The following ANKFN1 variants were observed in gnomAD, a reference collection of about 807,000 sequenced individuals.
The protein encoded by ANKFN1 is ankyrin repeat and fibronectin type III domain containing 1.
Under a neutral mutation model 108.7 loss-of-function variants are expected in ANKFN1, and 74 were observed. That is an observed-to-expected ratio of 0.68 (90% confidence interval 0.56 to 0.83). ANKFN1 has a LOEUF of 0.83. Among genes scored for constraint, ANKFN1 ranks in the 40% least tolerant of loss-of-function variants. ANKFN1 has a pLI of 0.00. For missense variants in ANKFN1, 1,505 were observed against 1,382.3 expected (o/e 1.09, Z -1.41); for synonymous variants, 547 against 516.2 (o/e 1.06, Z -0.81).
chr17:56,335,915 T>C (rs887664888), intron 4 of ANKFN1, among the ~76,000 whole-genome samples: 2 of 152,238 alleles, frequency 1.3e-5, no homozygotes, highest in African/African-American at 2.4e-5. Flanking sequence ...ATTGAGAGTT[T>C]TTAGCATGAA....
chr17:56,104,049 G>A (rs1041700233), intron 4 of ANKFN1, among the ~76,000 whole-genome samples: 1 of 152,196 alleles, frequency 6.6e-6, no homozygotes, highest in Non-Finnish European at 1.5e-5. Context: ...AGCAGAGCAA[G>A]CCATTGATAT....
chr17:56,338,210 C>T (rs1024858864), intron 4 of ANKFN1, among the ~76,000 whole-genome samples: 1 of 152,040 alleles, frequency 6.6e-6, no homozygotes, highest in African/African-American at 2.4e-5. Flanking sequence ...GGACAGAAAA[C>T]CAAACAGCGC....
intron 18 of ANKFN1, among the ~76,000 whole-genome samples, chr17:56,486,824 A>G (rs1398729170): frequency 1.3e-5 from 2 of 152,240 alleles, no homozygotes; most frequent in Non-Finnish European, 2.9e-5. Flanking sequence ...GTAAATTATA[A>G]TAGAATAAAG....
At chr17:56,352,724 A>G (rs2046277160) in intron 5 of ANKFN1, among the ~76,000 whole-genome samples, 1 of 151,948 alleles carries the variant, frequency 6.6e-6, no homozygotes, top group Non-Finnish European at 1.5e-5. Context: ...AGCCATTGAA[A>G]CCCTCCCTGA....
At chr17:56,078,281 T>C (rs1045587085) in intron 4 of ANKFN1, among the ~76,000 whole-genome samples, 1 of 152,204 alleles carries the variant, frequency 6.6e-6, no homozygotes, top group Non-Finnish European at 1.5e-5. Context: ...CCTTCTTCCC[T>C]TTCTTGAAGC....
rs1349200965 is a variant in ANKFN1, at chr17:56,482,405, A to G, written c.2141A>G (p.Asn714Ser). The G allele has an allele frequency of 1.9e-6, 3 of 1,613,134 alleles. No homozygotes were observed. The highest frequency in any genetic ancestry group is 2.7e-5 in the African/African-American group (2 of 74,882). ...YTQEVLEMGH[N>S]VSFLLLLPAS... Reference sequence around the variant, plus strand: ...CAGGAGGTGTTGGAAATGGGTCACAATGTGTCCTTTCTTCTCCTGCTCCCT... The same window carrying G: ...CAGGAGGTGTTGGAAATGGGTCACAGTGTGTCCTTTCTTCTCCTGCTCCCT... The change falls in exon 18 of 21, where the codon AAT (asparagine) becomes AGT (serine). Residue 714 changes from asparagine (N) to serine (S), a missense_variant. By Grantham distance (46) the Asn-to-Ser change is conservative. Transcript: ENST00000682825.
intron 1 of ANKFN1, among the ~76,000 whole-genome samples, chr17:56,187,619 A>G (rs1423873379): frequency 1.3e-5 from 2 of 152,330 alleles, no homozygotes; most frequent in East Asian, 1.9e-4. Context: ...TCATGCTGCT[A>G]TAAAGACACA....
intron 1 of ANKFN1, among the ~76,000 whole-genome samples, chr17:56,210,949 A>G (rs1258140154): frequency 6.6e-6 from 1 of 152,090 alleles, no homozygotes; most frequent in Non-Finnish European, 1.5e-5. Flanking sequence ...TCAAGATGAG[A>G]TTTGGGTGGG....
intron 1 of ANKFN1, among the ~76,000 whole-genome samples, chr17:56,164,222 G>A (rs1284871567): frequency 6.6e-6 from 1 of 152,060 alleles, no homozygotes; most frequent in Non-Finnish European, 1.5e-5. Context: ...GACCTCCGTT[G>A]CATTCCACCC....
chr17:56,350,326 T>C (rs2046212779), intron 4 of ANKFN1, among the ~76,000 whole-genome samples: 1 of 152,164 alleles, frequency 6.6e-6, no homozygotes, highest in Non-Finnish European at 1.5e-5. Context: ...AGCCTCACTT[T>C]CTTATATACC....
At chr17:56,133,241 G>A (rs1907388999) in intron 4 of ANKFN1, among the ~76,000 whole-genome samples, 1 of 152,100 alleles carries the variant, frequency 6.6e-6, no homozygotes, top group Non-Finnish European at 1.5e-5. Context: ...ACAAGAAATA[G>A]CCTTTCCTCA....
intron 4 of ANKFN1, among the ~76,000 whole-genome samples, chr17:56,333,231 C>T (rs2045714691): frequency 6.6e-6 from 1 of 151,906 alleles, no homozygotes; most frequent in South Asian, 2.1e-4. Flanking sequence ...GACATTTTTG[C>T]CTTGTTTCTG....
At chr17:56,292,306 C>T (rs1456039354) in intron 3 of ANKFN1, among the ~76,000 whole-genome samples, 1 of 152,140 alleles carries the variant, frequency 6.6e-6, no homozygotes, top group African/African-American at 2.4e-5. Flanking sequence ...GATTTTAGTA[C>T]TCTTAATCCT....
At chr17:56,502,655 T>G (rs1170162361) in intron 20 of ANKFN1, among the ~76,000 whole-genome samples, 1 of 152,226 alleles carries the variant, frequency 6.6e-6, no homozygotes, top group Non-Finnish European at 1.5e-5. Context: ...CACTTTGAAT[T>G]GTTCAAAAGC....
At chr17:56,272,407 T>C (rs758000693) in intron 3 of ANKFN1, among the ~76,000 whole-genome samples, 26 of 152,200 alleles carry the variant, frequency 1.7e-4, no homozygotes, top group Non-Finnish European at 3.7e-4. Context: ...ATATATAATA[T>C]TTGTCTTTTT....
chr17:56,214,615 G>A (rs767589896), intron 2 of ANKFN1, among the ~76,000 whole-genome samples: 11 of 152,146 alleles, frequency 7.2e-5, no homozygotes, highest in Non-Finnish European at 1.6e-4. Context: ...TTCTTCAACT[G>A]CAGGTCCCAC....
chr17:56,463,628 G>A (rs1304702097), intron 14 of ANKFN1, among the ~76,000 whole-genome samples: 1 of 152,158 alleles, frequency 6.6e-6, no homozygotes, highest in Non-Finnish European at 1.5e-5. Flanking sequence ...CTCTTACATT[G>A]AAAGGTGTCT....
rs1029237865 is a variant in ANKFN1, at chr17:56,511,905, A to G, written c.*636A>G. ...CCTTGACAGGCCTTTTTTTCTTCGT[A>G]TAGTGCTGTGTGGAGACCACCAGAA... On this transcript the variant is annotated 3_prime_UTR_variant, in exon 21 of 21. Coordinates refer to ENST00000682825, the MANE Select transcript of ANKFN1 (RefSeq NM_001370326.1). Among the ~76,000 whole-genome samples, 2 of 152,062 alleles carry G rather than the reference A, an allele frequency of 1.3e-5. No homozygotes were observed. The highest frequency in any genetic ancestry group is 6.5e-5 in the Admixed American group (1 of 15,284).
chr17:56,348,120 A>G (rs1317376526), intron 4 of ANKFN1, among the ~76,000 whole-genome samples: 1 of 152,130 alleles, frequency 6.6e-6, no homozygotes, highest in Non-Finnish European at 1.5e-5. Flanking sequence ...ATGGAAAAAA[A>G]TAAGTTAGAG....
Sources: gnomAD v4.1 joint callset for allele counts (sites outside exome capture counted in the v4.1 genomes callset) on GRCh38, gnomAD v4.1.1 for gene constraint, MANE v1.5 for transcripts, NCBI Gene and HGNC (gene_info 2026-07-23, HGNC 2026-07-21) for gene names.